ABCA10: variants seen among roughly 807,000 people sequenced by gnomAD.
ABCA10 encodes the protein ATP-binding cassette sub-family A member 10.
In ABCA10, 169 loss-of-function variants were observed where a neutral mutation model predicts 187.5. The observed-to-expected ratio is 0.90, with a 90% confidence interval of 0.80 to 1.02. ABCA10 has a LOEUF of 1.02. Ranked by LOEUF, ABCA10 falls within the 50% of genes least tolerant of loss-of-function variation. The probability of loss-of-function intolerance (pLI) is 0.00; values close to 1 mark genes in which losing one functional copy is unlikely to be tolerated. For synonymous variants in ABCA10, 574 were observed against 601.8 expected, an observed-to-expected ratio of 0.95 and a Z score of 0.68; for missense variants, 1,727 against 1,812.4, an observed-to-expected ratio of 0.95 and a Z score of 0.86.
upstream of ABCA10, chr17:69,233,824 G>A (rs1396589510): frequency 6.6e-6 from 1 of 152,228 alleles, no homozygotes; most frequent in Admixed American, 6.5e-5. Context: ...GGTTTGCTAT[G>A]AGTCTTGGGA....
At chr17:69,222,969 C>T (rs1834411696) in intron 3 of ABCA10, among the ~76,000 whole-genome samples, 1 of 151,714 alleles carries the variant, frequency 6.6e-6, no homozygotes, top group African/African-American at 2.4e-5. Flanking sequence ...AATTTATGTG[C>T]CTATGTAAGC....
At chr17:69,218,533 T>C (rs1316544330) in intron 6 of ABCA10, among the ~76,000 whole-genome samples, 1 of 152,116 alleles carries the variant, frequency 6.6e-6, no homozygotes, top group Non-Finnish European at 1.5e-5. Context: ...CTCATTATTA[T>C]TAAATATTTA....
At chr17:69,194,961 T>C (rs1410542749) in intron 11 of ABCA10, among the ~76,000 whole-genome samples, 1 of 152,136 alleles carries the variant, frequency 6.6e-6, no homozygotes, top group Non-Finnish European at 1.5e-5. Flanking sequence ...AAAGAAAACA[T>C]TGGTAAAGTA....
Position 69,227,151 on chromosome 17 carries a change from ACT to A in ABCA10, c.-180_-179del, listed in dbSNP as rs969103779. ...TATATATAGTGAATCATACCAATAA[ACT>A]CTCTTTTTATTCTCCATTTTTTAAG... is the stretch of plus-strand genomic sequence containing the variant. On this transcript the variant is annotated 5_prime_UTR_variant, in exon 2 of 39. The change creates a premature stop within an existing upstream ORF in the 5' untranslated region. Coordinates refer to ENST00000690296, the MANE Select transcript of ABCA10 (RefSeq NM_001377321.1). The A allele has an allele frequency of 7.7e-5, 11 of 141,960 alleles. No homozygotes were observed. Among genetic ancestry groups the A allele is most frequent in the African/African-American group, 2.8e-4 (11 of 39,934 alleles). 8.8% of individuals were successfully genotyped at this position (141,960 alleles called of 1,614,324 possible). A position where few individuals can be genotyped will look rare whatever the true frequency, so the allele number is the denominator to read the frequency against.
At chr17:69,163,291 C>A (rs981452) in intron 27 of ABCA10, among the ~76,000 whole-genome samples, 30 of 152,138 alleles carry the variant, frequency 2.0e-4, no homozygotes, top group African/African-American at 7.0e-4. Flanking sequence ...AATGGAGGTG[C>A]GCAGCCAAAT....
Position 69,197,582 on chromosome 17 carries a change from C to T in ABCA10, c.1176-460G>A, listed in dbSNP as rs146661176. ...CATAGCTTCTCACTATACTACTCCA[C>T]AAAAAACTATTCCCAATGAAATTCA... On this transcript the variant is annotated intron_variant, in intron 10 of 38. Transcript: ENST00000690296. 4.9e-4 allele frequency among the ~76,000 whole-genome samples: 74 copies of T among 152,276 alleles called. 1 individual carries two copies. In the South Asian group the frequency reaches 0.015, roughly 30 times the overall value.
Position 69,191,080 on chromosome 17 carries a change from A to G in ABCA10, c.2011+96T>C, listed in dbSNP as rs932997253. On this transcript the variant is annotated intron_variant, in intron 17 of 38. Coordinates refer to ENST00000690296, the MANE Select transcript of ABCA10 (RefSeq NM_001377321.1). ...CTTATGAATAAATATTTTCATTTGTATAAGCTTTAGAACTCGATTCATAGA... is the reference window on the plus strand; with the variant it reads ...CTTATGAATAAATATTTTCATTTGTGTAAGCTTTAGAACTCGATTCATAGA... The G allele has an allele frequency of 3.5e-6, 4 of 1,141,600 alleles. No individual in the cohort carries two copies. In the African/African-American group the frequency reaches 4.8e-5, roughly 14 times the overall value. 70.7% of individuals were successfully genotyped at this position (1,141,600 alleles called of 1,614,324 possible).
intron 25 of ABCA10, among the ~76,000 whole-genome samples, chr17:69,171,074 A>T (rs930684753): frequency 6.6e-6 from 1 of 152,200 alleles, no homozygotes; most frequent in Non-Finnish European, 1.5e-5. Context: ...GGATGAAAAC[A>T]TCCCTAATAC....
At chr17:69,235,523 T>C (rs2074862274) in intron 1 of ABCA10, among the ~76,000 whole-genome samples, 1 of 152,222 alleles carries the variant, frequency 6.6e-6, no homozygotes, top group Non-Finnish European at 1.5e-5. Flanking sequence ...AGTTCTGCTC[T>C]GGCTTCTTAG....
chr17:69,212,816 C>T (rs1204663826), intron 9 of ABCA10, among the ~76,000 whole-genome samples: 1 of 152,178 alleles, frequency 6.6e-6, no homozygotes, highest in Non-Finnish European at 1.5e-5. Flanking sequence ...ATTCCCACCC[C>T]TTTACCTTAA....
At chr17:69,195,781 T>G (rs1226725979) in intron 11 of ABCA10, among the ~76,000 whole-genome samples, 2 of 151,864 alleles carry the variant, frequency 1.3e-5, no homozygotes, top group African/African-American at 4.8e-5. Context: ...CATGCTGCCT[T>G]CAAGCATCTG....
chr17:69,187,750 C>G lies in ABCA10; in HGVS notation c.2261G>C (p.Arg754Pro), dbSNP rs774667106. The change falls in exon 19 of 39, where the codon CGA becomes CCA. Residue 754 changes from arginine to proline, a missense_variant. By Grantham distance (103) the Arg-to-Pro change is moderately radical. Transcript: ENST00000690296. ...AAGTGTTGCCACTGCATAGATTTGT[C>G]GTCTCCAGAGAGCTGCACTACTGAC... ...KAVSSAALWR[R>P]QIYAVATLRF... 1 of 1,613,772 alleles carries G rather than the reference C, an allele frequency of 6.2e-7. No homozygotes were observed. The highest frequency in any genetic ancestry group is 8.5e-7 in the Non-Finnish European group (1 of 1,179,792).
At chr17:69,185,755 G>A in intron 19 of ABCA10, 112 bp from the exon 20 acceptor site, 1 of 758,382 alleles carries the variant, frequency 1.3e-6, no homozygotes, top group Non-Finnish European at 2.0e-6. Flanking sequence ...CATATGTGGT[G>A]TTTAGTTAGA....
intron 36 of ABCA10, 91 bp downstream of exon 36, chr17:69,151,952 T>C: frequency 6.6e-7 from 1 of 1,512,436 alleles, no homozygotes; most frequent in Non-Finnish European, 8.8e-7. Flanking sequence ...CCACTCTGCC[T>C]TTCTCTTCCG....
At chr17:69,155,460 T>A (rs2074166415) in intron 29 of ABCA10, among the ~76,000 whole-genome samples, 1 of 152,236 alleles carries the variant, frequency 6.6e-6, no homozygotes, top group Non-Finnish European at 1.5e-5. Context: ...CTTGTTCATA[T>A]GCTATTCAGT....
At chr17:69,221,664 T>C in intron 5 of ABCA10, 128 bp downstream of exon 5, 1 of 832,478 alleles carries the variant, frequency 1.2e-6, no homozygotes, top group Non-Finnish European at 1.8e-6. Flanking sequence ...ACAGCTTTTG[T>C]TTTCTCTGAG....
At chr17:69,154,415 A>C in intron 30 of ABCA10, 89 bp from the exon 31 acceptor site, 1 of 941,268 alleles carries the variant, frequency 1.1e-6, no homozygotes, top group Non-Finnish European at 1.6e-6. Flanking sequence ...TTTGAAACAA[A>C]ATGACTTTTT....
chr17:69,191,040 A>G (rs1254933358), intron 17 of ABCA10, 136 bp downstream of exon 17: 2 of 926,380 alleles, frequency 2.2e-6, no homozygotes, highest in East Asian at 3.3e-5. Flanking sequence ...TCATATTGGA[A>G]ATAGGAACAG....
At chr17:69,218,638 C>G (rs2074723692) in intron 6 of ABCA10, among the ~76,000 whole-genome samples, 2 of 149,190 alleles carry the variant, frequency 1.3e-5, no homozygotes, top group Admixed American at 6.6e-5. Flanking sequence ...AATGCATAGA[C>G]TATATAGATG....
Sources: gnomAD v4.1 joint callset for allele counts (sites outside exome capture counted in the v4.1 genomes callset) on GRCh38, gnomAD v4.1.1 for gene constraint, MANE v1.5 for transcripts, NCBI Gene and HGNC (gene_info 2026-07-23, HGNC 2026-07-21) for gene names.